The following PDE9A variants were observed in gnomAD, a reference collection of about 807,000 sequenced individuals.
The protein encoded by PDE9A is phosphodiesterase 9A.
In PDE9A, 60 loss-of-function variants were observed where a neutral mutation model predicts 87.4. The ratio of observed to expected loss-of-function variants is 0.69; its 90% CI spans 0.56 to 0.85. The LOEUF (loss-of-function observed/expected upper bound fraction) is 0.85. Among genes scored for constraint, PDE9A ranks in the 40% least tolerant of loss-of-function variants. The probability of loss-of-function intolerance (pLI) is 0.00; values close to 1 mark genes in which losing one functional copy is unlikely to be tolerated. For synonymous variants in PDE9A, 272 were observed against 279.4 expected (o/e 0.97, Z 0.27); for missense variants, 665 against 779.0 (o/e 0.85, Z 1.74).
Position 42,659,944 on chromosome 21 carries a change from G to A in PDE9A, c.69+6061G>A, listed in dbSNP as rs987971391. ...CTGACATGCAAATGAGAGATGAAAC[G>A]GGGACGAGCCGGGCAGCTGATCTCA... is the stretch of plus-strand genomic sequence containing the variant. On this transcript the variant is annotated intron_variant, in intron 1 of 19. Transcript: ENST00000291539. This position sits in a 1 kb window ranked among gnomAD's most constrained non-coding sequence, Gnocchi z 4.1. Among the ~76,000 whole-genome samples, 4 of 152,210 alleles carry A rather than the reference G, an allele frequency of 2.6e-5. No individual in the cohort carries two copies. The highest frequency in any genetic ancestry group is 5.9e-5 in the Non-Finnish European group (4 of 68,032).
intron 17 of PDE9A, among the ~76,000 whole-genome samples, chr21:42,769,443 C>G (rs960365556): frequency 7.1e-6 from 1 of 141,328 alleles, no homozygotes; most frequent in African/African-American, 2.7e-5. Context: ...CACACATGTA[C>G]ACAGGCACAC....
chr21:42,753,012 T>A (rs1426228411), intron 9 of PDE9A, among the ~76,000 whole-genome samples: 3 of 123,726 alleles, frequency 2.4e-5, no homozygotes, highest in Non-Finnish European at 3.7e-5. Context: ...GCCCTTTTTT[T>A]ATTATTATTT....
chr21:42,760,275 G>A lies in PDE9A; in HGVS notation c.898-53G>A, dbSNP rs1602519611. The A allele has an allele frequency of 2.9e-6, 3 of 1,051,310 alleles. No homozygotes were observed. The highest frequency in any genetic ancestry group is 3.9e-4 in the Middle Eastern group (2 of 5,090). The allele number at this position is 1,051,310 out of a possible 1,614,324, so 65.1% of individuals were successfully genotyped here. On this transcript the variant is annotated intron_variant, in intron 11 of 19. Coordinates refer to ENST00000291539, the MANE Select transcript of PDE9A (RefSeq NM_002606.3). This position sits in a 1 kb window ranked among gnomAD's most constrained non-coding sequence, Gnocchi z 5.2. ...ACAGCCTTCTGGGTGGCTTTGGGAG[G>A]AGAGGTGGGCGGGCCCAGGCACAGG...
chr21:42,739,055 C>T lies in PDE9A; in HGVS notation c.569-4721C>T, dbSNP rs1435509636. On this transcript the variant is annotated intron_variant, in intron 7 of 19. Coordinates refer to ENST00000291539, the MANE Select transcript of PDE9A (RefSeq NM_002606.3). This position sits in a 1 kb window ranked among gnomAD's most constrained non-coding sequence, Gnocchi z 4.1. ...ATACTAGCCCCACACACAGGCATGT[C>T]CTAGGGTCCACACCTGGTCAGCGGG... 6.6e-6 allele frequency among the ~76,000 whole-genome samples: 1 copy of T among 152,248 alleles called. No individual in the cohort carries two copies. Among genetic ancestry groups the T allele is most frequent in the Non-Finnish European group, 1.5e-5 (1 of 68,042 alleles).
Position 42,722,810 on chromosome 21 carries a change from C to G in PDE9A, c.263-8960C>G, listed in dbSNP as rs1372983511. Among the ~76,000 whole-genome samples, 2 of 152,208 alleles carry G rather than the reference C, an allele frequency of 1.3e-5. No individual in the cohort carries two copies. The highest frequency in any genetic ancestry group is 2.9e-5 in the Non-Finnish European group (2 of 68,034). On this transcript the variant is annotated intron_variant, in intron 4 of 19. Coordinates refer to ENST00000291539, the MANE Select transcript of PDE9A (RefSeq NM_002606.3). The surrounding 1 kb of genome is among the most constrained non-coding windows in gnomAD (Gnocchi z 4.1). Reference sequence around the variant, plus strand: ...TTATTGTTACACTAATTTTTAGAATCAGAATTATGGGTCAGGCTGTGCTAG... The same window carrying G: ...TTATTGTTACACTAATTTTTAGAATGAGAATTATGGGTCAGGCTGTGCTAG...
chr21:42,756,645 G>C (rs372384924), intron 10 of PDE9A: 1 of 151,882 alleles, frequency 6.6e-6, no homozygotes, highest in Non-Finnish European at 1.5e-5. Context: ...TCTATCCTCC[G>C]AGGGCCCAGG....
At chr21:42,763,129 C>A (rs2055997407) in intron 14 of PDE9A, among the ~76,000 whole-genome samples, 1 of 152,178 alleles carries the variant, frequency 6.6e-6, no homozygotes, top group African/African-American at 2.4e-5. Flanking sequence ...CGAAATAACG[C>A]CCCATTCCAC....
chr21:42,726,713 G>A (rs1359960167), intron 4 of PDE9A, among the ~76,000 whole-genome samples: 9 of 139,278 alleles, frequency 6.5e-5, no homozygotes, highest in South Asian at 4.7e-4. Flanking sequence ...CTCCAACCTC[G>A]ACCTCCCAAA....
chr21:42,769,634 GCA>G (rs138702309), intron 17 of PDE9A, among the ~76,000 whole-genome samples: 2,500 of 43,062 alleles, frequency 0.058, 40 homozygotes, highest in South Asian at 0.2. Flanking sequence ...GCACACACAG[GCA>G]CACACAGGGA....
chr21:42,712,146 C>A (rs2049405685), intron 4 of PDE9A, among the ~76,000 whole-genome samples: 1 of 152,048 alleles, frequency 6.6e-6, no homozygotes, highest in South Asian at 2.1e-4. Flanking sequence ...CTTAACCATA[C>A]TGAGTCTTCC....
At chr21:42,740,697 G>C (rs56993090) in intron 7 of PDE9A, among the ~76,000 whole-genome samples, 1 of 135,892 alleles carries the variant, frequency 7.4e-6, no homozygotes, top group Non-Finnish European at 1.6e-5. Flanking sequence ...CAGTAGGTAG[G>C]TAGGTAGTAG....
At position 42,653,749 on chromosome 21, in the gene PDE9A, G is replaced by A; in HGVS notation, c.-66G>A. The A allele has an allele frequency of 3.0e-6, 1 of 335,830 alleles. No individual in the cohort carries two copies. Among genetic ancestry groups the A allele is most frequent in the Non-Finnish European group, 4.8e-6 (1 of 209,062 alleles). 20.8% of individuals were successfully genotyped at this position (335,830 alleles called of 1,614,324 possible). ...GCCCCCTCCCCTGCTCCCCTCCCCC[G>A]CCTCCCGCGGCGGCTGGCGTCGGGA... On this transcript the variant is annotated 5_prime_UTR_variant, in exon 1 of 20. Coordinates refer to ENST00000291539, the MANE Select transcript of PDE9A (RefSeq NM_002606.3).
chr21:42,671,707 G>A (rs552857282), intron 1 of PDE9A, among the ~76,000 whole-genome samples: 5 of 152,274 alleles, frequency 3.3e-5, no homozygotes, highest in South Asian at 4.1e-4. Flanking sequence ...TTCAGTGAAC[G>A]CATATTTATT....
rs180864188 is a variant in PDE9A, at chr21:42,758,416, G to A, written c.811-583G>A. 3.6e-3 allele frequency: 543 copies of A among 152,450 alleles called. 2 individuals carry two copies. The highest frequency in any genetic ancestry group is 0.01 in the Middle Eastern group (3 of 296). 9.4% of individuals were successfully genotyped at this position (152,450 alleles called of 1,614,324 possible). A position where few individuals can be genotyped will look rare whatever the true frequency, so the allele number is the denominator to read the frequency against. On this transcript the variant is annotated intron_variant, in intron 10 of 19. Coordinates refer to ENST00000291539, the MANE Select transcript of PDE9A (RefSeq NM_002606.3). ...GGCCGCATCTGGGCACTGCAGTTAA[G>A]ATGTTAAAGTGTCTTCGGTCCCAGG...
In PDE9A at chr21:42,688,120, C is replaced by T. The variant is rs533026711; in HGVS notation, c.218+126C>T. 4.2e-4 allele frequency: 331 copies of T among 790,668 alleles called. 4 individuals are homozygous for T. In the South Asian group the frequency reaches 4.6e-3, roughly 11 times the overall value. 49.0% of individuals were successfully genotyped at this position (790,668 alleles called of 1,614,324 possible). A position where few individuals can be genotyped will look rare whatever the true frequency, so the allele number is the denominator to read the frequency against. ...GTGAATTGACAGCAGAGATGGAGAG[C>T]GAGGGTAGGAGCCAGTGTGAAGGAA... is the stretch of plus-strand genomic sequence containing the variant. On this transcript the variant is annotated intron_variant, in intron 3 of 19. Coordinates refer to ENST00000291539, the MANE Select transcript of PDE9A (RefSeq NM_002606.3).
Position 42,747,574 on chromosome 21 carries a change from G to A in PDE9A, c.654-3542G>A, listed in dbSNP as rs941515941. 7.2e-5 allele frequency among the ~76,000 whole-genome samples: 11 copies of A among 152,240 alleles called. No individual in the cohort carries two copies. The South Asian group carries it at 8.3e-4, about 11-fold the overall frequency. On this transcript the variant is annotated intron_variant, in intron 8 of 19. Transcript: ENST00000291539. ...CATCGGGGTCCGGCACACAGCACCC[G>A]GGAGCAGGTGGCCGTCCCCTGACAC...
chr21:42,688,352 G>GC (rs1476690858), intron 3 of PDE9A, among the ~76,000 whole-genome samples: 1 of 151,994 alleles, frequency 6.6e-6, no homozygotes, highest in East Asian at 1.9e-4. Context: ...TCCCTACAGA[G>GC]CCCCTGGGGA....
At chr21:42,689,555 G>A in intron 3 of PDE9A, 5 of 985,456 alleles carry the variant, frequency 5.1e-6, no homozygotes, top group Non-Finnish European at 6.0e-6. Flanking sequence ...CCTTGTCCAT[G>A]CCAGCTGGGT....
rs2058816606 is a variant in PDE9A at position 42,675,818 on chromosome 21, A to C, written c.70-10374A>C. Among the ~76,000 whole-genome samples, 1 of 152,154 alleles carries C rather than the reference A, an allele frequency of 6.6e-6. No homozygotes were observed. Among genetic ancestry groups the C allele is most frequent in the South Asian group, 2.1e-4 (1 of 4,830 alleles). On this transcript the variant is annotated intron_variant, in intron 1 of 19. Transcript: ENST00000291539. The surrounding 1 kb of genome is among the most constrained non-coding windows in gnomAD (Gnocchi z 4.3). ...CGAGACAAGCCCCCATCTGATCCAG[A>C]TTCTCCAGTTGTACTTGCTGATGTC...
Sources: allele counts gnomAD v4.1 joint callset (sites outside exome capture counted in the v4.1 genomes callset), GRCh38; gene constraint gnomAD v4.1.1; non-coding constraint Gnocchi (gnomAD v3.1); transcripts MANE v1.5; gene names NCBI Gene and HGNC (gene_info 2026-07-23, HGNC 2026-07-21).